The following USP48 variants were observed in gnomAD, a reference collection of about 807,000 sequenced individuals.
The protein encoded by USP48 is ubiquitin carboxyl-terminal hydrolase 48.
Under a neutral mutation model 150.7 loss-of-function variants are expected in USP48, and 43 were observed. The ratio of observed to expected loss-of-function variants is 0.29; its 90% confidence interval spans 0.22 to 0.37. The LOEUF is 0.37. USP48 is among the 10% of genes least tolerant of loss of function. The probability of loss-of-function intolerance (pLI) is 1.00; values close to 1 mark genes in which losing one functional copy is unlikely to be tolerated. For synonymous variants in USP48, 396 were observed against 425.9 expected (o/e 0.93, Z 0.86); for missense variants, 813 against 1,249.6 (o/e 0.65, Z 5.27).
intron 20 of USP48, 98 bp downstream of exon 20, chr1:21,704,164 G>C: frequency 2.1e-6 from 3 of 1,416,480 alleles, no homozygotes; most frequent in Non-Finnish European, 2.9e-6. Flanking sequence ...TGGGACCGCC[G>C]CATGATCTTT....
chr1:21,720,334 T>C (rs1365838094), intron 14 of USP48, among the ~76,000 whole-genome samples: 1 of 152,164 alleles, frequency 6.6e-6, no homozygotes, highest in Non-Finnish European at 1.5e-5. Context: ...TAGAGAGAGC[T>C]TGAGCCCGAA....
chr1:21,727,803 A>G, intron 11 of USP48: 1 of 899,062 alleles, frequency 1.1e-6, no homozygotes, highest in Non-Finnish European at 1.3e-6. Context: ...TTAAAGTTAT[A>G]CTAGTAATGG....
intron 9 of USP48, among the ~76,000 whole-genome samples, chr1:21,735,714 C>T (rs1025291016): frequency 3.3e-5 from 5 of 152,162 alleles, no homozygotes; most frequent in African/African-American, 1.2e-4. Context: ...CATTGTGAAA[C>T]CTTGTCTCTA....
intron 6 of USP48, among the ~76,000 whole-genome samples, chr1:21,749,153 T>C (rs1462546588): frequency 6.6e-6 from 1 of 152,164 alleles, no homozygotes; most frequent in Admixed American, 6.5e-5. Flanking sequence ...CTCAAACTCC[T>C]GAGCTCAAGC....
chr1:21,781,367 A>G (rs2097914094), intron 1 of USP48, among the ~76,000 whole-genome samples: 1 of 152,178 alleles, frequency 6.6e-6, no homozygotes, highest in African/African-American at 2.4e-5. Flanking sequence ...TGAACCAAGG[A>G]GGCAGAGGTT....
chr1:21,749,415 T>C (rs1182213816), intron 6 of USP48, among the ~76,000 whole-genome samples: 3 of 152,002 alleles, frequency 2.0e-5, no homozygotes, highest in Non-Finnish European at 4.4e-5. Flanking sequence ...GAACTATACC[T>C]CTCAAACGTA....
At chr1:21,757,548 A>C in intron 2 of USP48, 115 bp downstream of exon 2, 1 of 1,174,448 alleles carries the variant, frequency 8.5e-7, no homozygotes, top group East Asian at 2.5e-5. Context: ...TGCTTATCTT[A>C]AAGCTGCACA....
intron 1 of USP48, among the ~76,000 whole-genome samples, chr1:21,776,224 G>A (rs1437899572): frequency 6.6e-6 from 1 of 152,138 alleles, no homozygotes; most frequent in Non-Finnish European, 1.5e-5. Context: ...GCAGAATTCT[G>A]TGGACAGAGG....
chr1:21,777,071 C>T (rs113690053), intron 1 of USP48, among the ~76,000 whole-genome samples: 12,635 of 151,596 alleles, frequency 0.083, 722 homozygotes, highest in Admixed American at 0.13. Flanking sequence ...GCCAAGATTG[C>T]GCCACTACAC....
intron 15 of USP48, among the ~76,000 whole-genome samples, chr1:21,709,917 T>A (rs2097685909): frequency 6.6e-6 from 1 of 152,154 alleles, no homozygotes. Context: ...CTAAATATAA[T>A]TTCCTATTAT....
chr1:21,695,368 C>A, intron 22 of USP48, 147 bp from the exon 23 acceptor site: 1 of 838,418 alleles, frequency 1.2e-6, no homozygotes. Context: ...TAGAAACTAA[C>A]GAGACTTTCT....
chr1:21,761,869 G>T (rs758076900), intron 1 of USP48, among the ~76,000 whole-genome samples: 9 of 152,218 alleles, frequency 5.9e-5, no homozygotes, highest in South Asian at 2.1e-4. Flanking sequence ...GCTTATTAAT[G>T]AAATAAAGTA....
chr1:21,699,912 G>T (rs1014990873), intron 22 of USP48, among the ~76,000 whole-genome samples: 1 of 150,776 alleles, frequency 6.6e-6, no homozygotes, highest in Non-Finnish European at 1.5e-5. Context: ...AGACCACAGA[G>T]ATGTCCCCGC....
At chr1:21,723,513 CAA>C (rs35287796) in intron 12 of USP48, among the ~76,000 whole-genome samples, 12 of 99,316 alleles carry the variant, frequency 1.2e-4, no homozygotes, top group Admixed American at 1.1e-4. Context: ...GACTCCATCT[CAA>C]AAAAAAAAAA....
intron 7 of USP48, among the ~76,000 whole-genome samples, chr1:21,747,859 C>T (rs1359676304): frequency 6.6e-6 from 1 of 152,220 alleles, no homozygotes; most frequent in African/African-American, 2.4e-5. Flanking sequence ...AGGCGTGAGC[C>T]ACCGCACCCG....
chr1:21,701,896 T>C (rs1037326854), intron 21 of USP48, among the ~76,000 whole-genome samples: 1 of 152,168 alleles, frequency 6.6e-6, no homozygotes, highest in Non-Finnish European at 1.5e-5. Flanking sequence ...TGATGTTATT[T>C]TGCAGAAGTT....
At chr1:21,732,167 T>C (rs1392374640) in intron 9 of USP48, among the ~76,000 whole-genome samples, 3 of 152,112 alleles carry the variant, frequency 2.0e-5, no homozygotes, top group Admixed American at 1.3e-4. Context: ...TAATCCTAGC[T>C]ACTTGGGAGG....
rs773116160 is a variant in USP48 at position 21,721,745 on chromosome 1, T to C, written c.1668A>G (p.Glu556=). Residue 556 remains glutamate (E), a synonymous_variant, in exon 13 of 27, where the codon GAA becomes GAG. Coordinates refer to ENST00000308271, the MANE Select transcript of USP48 (RefSeq NM_032236.8). ...PRLTVKALCK[E]CVVERCRILR... ...ATATGCGACAACGTTCTACTACACA[T>C]TCCTTACACAGGGCTTTCACTACAG... 4 of 1,600,236 alleles carry C rather than the reference T, an allele frequency of 2.5e-6. No homozygotes were observed. The highest frequency in any genetic ancestry group is 2.2e-5 in the South Asian group (2 of 89,166).
rs140737941 is a variant in USP48 at position 21,780,017 on chromosome 1, G to A, written c.134+2807C>T. ...TGTGGAAGTTTCGCGGTTCGGTTAA[G>A]TTAAACACAGAATTGACTGTGTATG... On this transcript the variant is annotated intron_variant, in intron 1 of 26. Coordinates refer to ENST00000308271, the MANE Select transcript of USP48 (RefSeq NM_032236.8). Among the ~76,000 whole-genome samples, 64 of 152,298 alleles carry A rather than the reference G, an allele frequency of 4.2e-4. No individual in the cohort carries two copies. In the East Asian group the frequency reaches 0.011, roughly 27 times the overall value.
Sources: allele counts gnomAD v4.1 joint callset (sites outside exome capture counted in the v4.1 genomes callset), GRCh38; gene constraint gnomAD v4.1.1; transcripts MANE v1.5; gene names NCBI Gene and HGNC (gene_info 2026-07-23, HGNC 2026-07-21).